Variants in TSHZ2 observed in about 807,000 individuals in gnomAD.
The protein encoded by TSHZ2 is teashirt homolog 2.
In TSHZ2, 21 loss-of-function variants were observed where a neutral mutation model predicts 74.4. The observed-to-expected ratio is 0.28, with a 90% CI of 0.20 to 0.41. TSHZ2 has a LOEUF of 0.41. TSHZ2 is among the 10% of genes least tolerant of loss of function. The pLI is 1.00. For synonymous variants in TSHZ2, 540 were observed against 515.3 expected (o/e 1.05, Z -0.65); for missense variants, 1,244 against 1,293.5 (o/e 0.96, Z 0.59).
At position 53,255,386 on chromosome 20, in the gene TSHZ2, C is replaced by G. The variant is rs375934339; in HGVS notation, c.1928C>G (p.Ala643Gly). 11 of 1,613,778 alleles carry G rather than the reference C, an allele frequency of 6.8e-6. No homozygotes were observed. In the African/African-American group the frequency reaches 1.5e-4, roughly 22 times the overall value. The change falls in exon 2 of 3, where the codon GCC becomes GGC. Residue 643 changes from alanine to glycine, a missense_variant. Ala to Gly is a moderately conservative substitution (Grantham distance 60). Coordinates refer to ENST00000371497, the MANE Select transcript of TSHZ2 (RefSeq NM_173485.6). This position sits in a 1 kb window ranked among gnomAD's most constrained non-coding sequence, Gnocchi z 4.1. ...SFRKSETPPEAKKTELGPLKE... is the reference protein window; with the variant it reads ...SFRKSETPPEGKKTELGPLKE... ...CGCAAAAGTGAAACACCTCCAGAAG[C>G]CAAAAAGACCGAGCTGGGTCCCCTG... is the stretch of plus-strand genomic sequence containing the variant.
intron 1 of TSHZ2, among the ~76,000 whole-genome samples, chr20:53,091,277 A>G (rs918025836): frequency 3.9e-5 from 6 of 152,230 alleles, no homozygotes; most frequent in African/African-American, 9.6e-5. Context: ...AGATAGTTCT[A>G]TAACGGCAAC....
At position 53,492,573 on chromosome 20, in the gene TSHZ2, A is replaced by T. The variant is rs1326815608; in HGVS notation, c.*5438A>T. On this transcript the variant is annotated 3_prime_UTR_variant, in exon 3 of 3. Transcript: ENST00000371497. ...GATGATGTCCTTCTAATCCCTTCTG[A>T]CTTTGATTCCTAACAGCCAGGCACT... 6.6e-6 allele frequency: 1 copy of T among 152,140 alleles called. No homozygotes were observed. The highest frequency in any genetic ancestry group is 1.5e-5 in the Non-Finnish European group (1 of 68,018). The allele number at this position is 152,140 out of a possible 1,614,324, so 9.4% of individuals were successfully genotyped here.
chr20:53,439,065 G>A (rs1984210659), intron 2 of TSHZ2, among the ~76,000 whole-genome samples: 1 of 152,174 alleles, frequency 6.6e-6, no homozygotes. Flanking sequence ...ATAGTGCCTA[G>A]CATTTTGTTC....
intron 2 of TSHZ2, among the ~76,000 whole-genome samples, chr20:53,330,268 T>TA (rs1341827223): frequency 1.3e-5 from 2 of 152,202 alleles, no homozygotes; most frequent in Admixed American, 1.3e-4. Flanking sequence ...AGTGCACCCT[T>TA]TCCGAAGCTT....
intron 1 of TSHZ2, among the ~76,000 whole-genome samples, chr20:53,175,878 A>T (rs1988325517): frequency 6.6e-6 from 1 of 152,340 alleles, no homozygotes; most frequent in Admixed American, 6.5e-5. Context: ...CTGCCTGTCC[A>T]GGTGTGGGGA....
chr20:53,423,933 G>A (rs1983570677), intron 2 of TSHZ2, among the ~76,000 whole-genome samples: 2 of 152,318 alleles, frequency 1.3e-5, no homozygotes, highest in African/African-American at 4.8e-5. Flanking sequence ...CTACAGACTA[G>A]AGTCCAGGGA....
chr20:53,022,031 G>T (rs1402593996), intron 1 of TSHZ2, among the ~76,000 whole-genome samples: 2 of 152,222 alleles, frequency 1.3e-5, no homozygotes, highest in East Asian at 3.9e-4. Context: ...GGGACAAATA[G>T]GGGCTCATAA....
intron 1 of TSHZ2, among the ~76,000 whole-genome samples, chr20:53,070,657 T>C (rs1600675318): frequency 6.6e-6 from 1 of 152,188 alleles, no homozygotes; most frequent in Non-Finnish European, 1.5e-5. Flanking sequence ...TGTGTATGAA[T>C]GTGTGTGTAT....
chr20:53,439,499 G>A (rs1984229927), intron 2 of TSHZ2, among the ~76,000 whole-genome samples: 1 of 152,130 alleles, frequency 6.6e-6, no homozygotes, highest in African/African-American at 2.4e-5. Flanking sequence ...ATTAAAAGCA[G>A]GATCAGTTAA....
chr20:53,175,304 C>A (rs1457232559), intron 1 of TSHZ2, among the ~76,000 whole-genome samples: 1 of 151,842 alleles, frequency 6.6e-6, no homozygotes, highest in Admixed American at 6.6e-5. Flanking sequence ...CCACGCCTGG[C>A]TAATTTTTTG....
intron 1 of TSHZ2, among the ~76,000 whole-genome samples, chr20:53,019,942 C>T (rs1357717895): frequency 6.6e-6 from 1 of 152,184 alleles, no homozygotes; most frequent in Non-Finnish European, 1.5e-5. Context: ...TTAATTGACT[C>T]ACAGTTCTGC....
chr20:53,337,691 T>A (rs1980009714), intron 2 of TSHZ2, among the ~76,000 whole-genome samples: 1 of 152,224 alleles, frequency 6.6e-6, no homozygotes, highest in Non-Finnish European at 1.5e-5. Flanking sequence ...TTACCAAAGA[T>A]AATTAAATAA....
chr20:53,441,411 A>G (rs924057578), intron 2 of TSHZ2, among the ~76,000 whole-genome samples: 25 of 150,918 alleles, frequency 1.7e-4, no homozygotes, highest in African/African-American at 5.6e-4. Flanking sequence ...GACTATAGGC[A>G]CCCGCCACCA....
chr20:53,015,567 A>G (rs768018857), intron 1 of TSHZ2, among the ~76,000 whole-genome samples: 1 of 152,164 alleles, frequency 6.6e-6, no homozygotes, highest in Admixed American at 6.5e-5. Context: ...GTTCTTGTCA[A>G]TGTTCTCATG....
chr20:53,359,255 C>T (rs1408879892), intron 2 of TSHZ2, among the ~76,000 whole-genome samples: 1 of 152,140 alleles, frequency 6.6e-6, no homozygotes, highest in Non-Finnish European at 1.5e-5. Flanking sequence ...AGGGTGAAAA[C>T]TGTCTAGGGT....
At chr20:53,444,845 G>T (rs1455565609) in intron 2 of TSHZ2, among the ~76,000 whole-genome samples, 3 of 152,134 alleles carry the variant, frequency 2.0e-5, no homozygotes, top group Non-Finnish European at 4.4e-5. Flanking sequence ...TAAATTAAAG[G>T]TTTTATTTTG....
rs141528782 is a variant in TSHZ2, at chr20:53,054,124, A to C, written c.40+80791A>C. On this transcript the variant is annotated intron_variant, in intron 1 of 2. Transcript: ENST00000371497. Reference sequence around the variant, plus strand: ...CGATGTACCACAAGGTGGCCCACACAAAAGCTATGTGGGCAATTATCTCAT... The same window carrying C: ...CGATGTACCACAAGGTGGCCCACACCAAAGCTATGTGGGCAATTATCTCAT... Among the ~76,000 whole-genome samples the C allele has an allele frequency of 7.9e-4, 121 of 152,336 alleles. 4 individuals are homozygous for C. In the East Asian group the frequency reaches 0.014, roughly 18 times the overall value.
chr20:52,997,615 C>G (rs984913230), intron 1 of TSHZ2, among the ~76,000 whole-genome samples: 2 of 152,128 alleles, frequency 1.3e-5, no homozygotes, highest in Non-Finnish European at 2.9e-5. Context: ...CCCAGCCCTA[C>G]CCTCTAGAGT....
At chr20:53,229,890 AAG>A (rs1001944277) in intron 1 of TSHZ2, among the ~76,000 whole-genome samples, 17 of 91,918 alleles carry the variant, frequency 1.8e-4, no homozygotes, top group African/African-American at 6.9e-4. Flanking sequence ...AAGGAAGGAA[AAG>A]AGAGAGGGAG....
Sources: allele counts gnomAD v4.1 joint callset (sites outside exome capture counted in the v4.1 genomes callset), GRCh38; gene constraint gnomAD v4.1.1; non-coding constraint Gnocchi (gnomAD v3.1); transcripts MANE v1.5; gene names NCBI Gene and HGNC (gene_info 2026-07-23, HGNC 2026-07-21).